The following CHRM2 variants were observed in gnomAD, a reference collection of about 807,000 sequenced individuals.
CHRM2 encodes the protein cholinergic receptor muscarinic 2, also known as muscarinic acetylcholine receptor M2.
A neutral mutation model predicts 25.0 loss-of-function variants in CHRM2; 8 were observed. The ratio of observed to expected loss-of-function variants is 0.32; its 90% confidence interval spans 0.19 to 0.58. CHRM2 has a LOEUF of 0.58. CHRM2 is among the 20% of genes least tolerant of loss of function. The pLI is 0.88. For synonymous variants in CHRM2, 202 were observed against 205.7 expected (o/e 0.98, Z 0.15); for missense variants, 440 against 567.1 (o/e 0.78, Z 2.28).
intron 2 of CHRM2, among the ~76,000 whole-genome samples, chr7:136,891,847 C>CCGAG (rs1796702949): frequency 6.6e-6 from 1 of 152,204 alleles, no homozygotes; most frequent in Non-Finnish European, 1.5e-5. Context: ...ATCTGCCGCT[C>CCGAG]CTCAGAAGTC....
chr7:136,902,794 AATTCCACAGTAAG>A, intron 2 of CHRM2: 3 of 241,470 alleles, frequency 1.2e-5, no homozygotes, highest in Non-Finnish European at 1.6e-5. Flanking sequence ...TAAACTTTGA[AATTCCACAGTAAG>A]ATGTAAATAT....
chr7:136,941,705 A>G (rs957440589), intron 2 of CHRM2, among the ~76,000 whole-genome samples: 7 of 152,190 alleles, frequency 4.6e-5, no homozygotes, highest in Non-Finnish European at 8.8e-5. Flanking sequence ...TGAGAATATC[A>G]GTGTCACTGA....
chr7:136,953,680 C>A (rs1190460405), intron 2 of CHRM2, among the ~76,000 whole-genome samples: 5 of 150,912 alleles, frequency 3.3e-5, no homozygotes, highest in Admixed American at 2.0e-4. Context: ...AACAGACATG[C>A]AAACCAAAAA....
intron 2 of CHRM2, chr7:136,903,123 T>A (rs773080543): frequency 5.4e-5 from 29 of 533,608 alleles, no homozygotes; most frequent in Admixed American, 9.7e-5. Flanking sequence ...GTAGGTTTTT[T>A]ATTCTTCAAC....
intron 2 of CHRM2, chr7:136,870,967 T>C (rs1212676743): frequency 6.6e-6 from 1 of 152,570 alleles, no homozygotes; most frequent in Admixed American, 6.5e-5. Flanking sequence ...TGGCAGTGGG[T>C]ATGCGGCAGC....
chr7:136,933,137 C>T (rs948822653), intron 2 of CHRM2, among the ~76,000 whole-genome samples: 4 of 152,110 alleles, frequency 2.6e-5, no homozygotes, highest in African/African-American at 7.2e-5. Context: ...ATTGAACAGT[C>T]GCTCAATGGA....
At chr7:136,997,462 C>T (rs1216461859) in intron 3 of CHRM2, among the ~76,000 whole-genome samples, 1 of 152,130 alleles carries the variant, frequency 6.6e-6, no homozygotes, top group African/African-American at 2.4e-5. Context: ...TCTAAATGTT[C>T]TAATTTGAAA....
intron 2 of CHRM2, among the ~76,000 whole-genome samples, chr7:136,900,106 A>G (rs776508295): frequency 6.6e-6 from 1 of 152,074 alleles, no homozygotes; most frequent in African/African-American, 2.4e-5. Context: ...TTTTGTTTGC[A>G]TGAATTAAAA....
intron 3 of CHRM2, among the ~76,000 whole-genome samples, chr7:137,009,238 T>C (rs1004373200): frequency 1.6e-4 from 25 of 152,082 alleles, no homozygotes; most frequent in Non-Finnish European, 2.9e-4. Context: ...TAAATGTATA[T>C]CAGTTTATTT....
At chr7:136,977,560 C>T (rs545905523) in intron 2 of CHRM2, among the ~76,000 whole-genome samples, 185 of 152,274 alleles carry the variant, frequency 1.2e-3, no homozygotes, top group African/African-American at 4.2e-3. Flanking sequence ...GGACACTCAA[C>T]GCAGTCTTGA....
chr7:136,881,310 A>G (rs1040579885), intron 2 of CHRM2, among the ~76,000 whole-genome samples: 1 of 151,454 alleles, frequency 6.6e-6, no homozygotes, highest in Non-Finnish European at 1.5e-5. Context: ...AGGTTCCTCC[A>G]TGTCTTTTCA....
At chr7:136,907,149 A>T (rs908800365) in intron 2 of CHRM2, among the ~76,000 whole-genome samples, 1 of 151,926 alleles carries the variant, frequency 6.6e-6, no homozygotes, top group Non-Finnish European at 1.5e-5. Context: ...CAGTGGCTGT[A>T]AATACAGATG....
At chr7:136,910,096 A>C (rs1273638763) in intron 2 of CHRM2, among the ~76,000 whole-genome samples, 1 of 151,864 alleles carries the variant, frequency 6.6e-6, no homozygotes, top group Non-Finnish European at 1.5e-5. Context: ...CCAGGGAGGC[A>C]GGTAATTAGG....
intron 2 of CHRM2, chr7:136,899,549 G>A (rs1180495159): frequency 1.3e-5 from 2 of 152,034 alleles, no homozygotes; most frequent in Non-Finnish European, 2.9e-5. Flanking sequence ...TGATGTTTAA[G>A]TGTAATTCAT....
rs920163066 is a variant in CHRM2, at chr7:137,017,095, T to G, written c.*829T>G. 5 of 154,278 alleles carry G rather than the reference T, an allele frequency of 3.2e-5. No individual in the cohort carries two copies. Among genetic ancestry groups the G allele is most frequent in the Non-Finnish European group, 2.9e-5 (2 of 67,954 alleles). The allele number at this position is 154,278 out of a possible 1,614,324, so 9.6% of individuals were successfully genotyped here. ...GATTTAGTGCACTTATAATCCTATA[T>G]GCGAAATGTTTAAACCAATCTGATT... On this transcript the variant is annotated 3_prime_UTR_variant, in exon 4 of 4. Coordinates refer to ENST00000680005, the MANE Select transcript of CHRM2 (RefSeq NM_001006630.2).
intron 2 of CHRM2, among the ~76,000 whole-genome samples, chr7:136,905,360 T>G (rs972898938): frequency 1.3e-5 from 2 of 151,830 alleles, no homozygotes; most frequent in African/African-American, 4.8e-5. Context: ...CATTATATTA[T>G]TCATTTATTT....
intron 2 of CHRM2, among the ~76,000 whole-genome samples, chr7:136,963,011 A>G (rs1405838928): frequency 6.6e-6 from 1 of 152,250 alleles, no homozygotes; most frequent in Non-Finnish European, 1.5e-5. Flanking sequence ...TTAAGTACTT[A>G]CATTAGTTTT....
At chr7:137,011,696 A>G (rs1804837773) in intron 3 of CHRM2, among the ~76,000 whole-genome samples, 1 of 151,992 alleles carries the variant, frequency 6.6e-6, no homozygotes. Flanking sequence ...CCAAGTTGAC[A>G]CCTAAAATTA....
At chr7:136,927,045 G>A (rs765907673) in intron 2 of CHRM2, among the ~76,000 whole-genome samples, 24 of 152,124 alleles carry the variant, frequency 1.6e-4, no homozygotes, top group Non-Finnish European at 2.6e-4. Flanking sequence ...CAGGACGTCA[G>A]CTCCTGATGT....
Sources: allele counts gnomAD v4.1 joint callset (sites outside exome capture counted in the v4.1 genomes callset), GRCh38; gene constraint gnomAD v4.1.1; transcripts MANE v1.5; gene names NCBI Gene and HGNC (gene_info 2026-07-23, HGNC 2026-07-21).